RBM25: variants seen among roughly 807,000 people sequenced by gnomAD.
The protein encoded by RBM25 is RNA-binding protein 25.
In RBM25, 19 loss-of-function variants were observed where a neutral mutation model predicts 120.7. The observed-to-expected ratio is 0.16, with a 90% CI of 0.11 to 0.23. The LOEUF (loss-of-function observed/expected upper bound fraction) is 0.23. RBM25 is among the 10% of genes least tolerant of loss of function. The pLI is 1.00. For missense variants in RBM25, 605 were observed against 1,041.5 expected, an observed-to-expected ratio of 0.58 and a Z score of 5.77; for synonymous variants, 390 against 326.7, an observed-to-expected ratio of 1.19 and a Z score of -2.09.
At chr14:73,077,720 G>C (rs1186153014) in intron 4 of RBM25, among the ~76,000 whole-genome samples, 184 bp downstream of exon 4, 1 of 152,222 alleles carries the variant, frequency 6.6e-6, no homozygotes, top group African/African-American at 2.4e-5. Context: ...AACATGTTTA[G>C]ATATTTTATG....
intron 2 of RBM25, among the ~76,000 whole-genome samples, chr14:73,074,458 C>T (rs1336044471): frequency 6.6e-6 from 1 of 151,986 alleles, no homozygotes; most frequent in Non-Finnish European, 1.5e-5. Context: ...ATAGGCTGGG[C>T]ATGGTGGCTC....
intron 1 of RBM25, among the ~76,000 whole-genome samples, chr14:73,069,147 C>T (rs1336379374): frequency 6.6e-6 from 1 of 151,988 alleles, no homozygotes; most frequent in Non-Finnish European, 1.5e-5. Context: ...CACGTGAGCC[C>T]CCTGCTTTGG....
chr14:73,119,206 A>G (rs1415899275), intron 18 of RBM25, among the ~76,000 whole-genome samples: 2 of 152,246 alleles, frequency 1.3e-5, no homozygotes, highest in African/African-American at 2.4e-5. Context: ...AACTAAATAT[A>G]CAACTATGTA....
intron 10 of RBM25, among the ~76,000 whole-genome samples, chr14:73,105,484 T>G (rs1415678228): frequency 6.6e-6 from 1 of 152,218 alleles, no homozygotes; most frequent in Non-Finnish European, 1.5e-5. Flanking sequence ...TCATTAGTCC[T>G]TCATATTTCT....
intron 4 of RBM25, among the ~76,000 whole-genome samples, chr14:73,081,083 C>T (rs1018716563): frequency 1.3e-5 from 2 of 151,970 alleles, no homozygotes; most frequent in African/African-American, 2.4e-5. Flanking sequence ...CCTCAGCCTC[C>T]CAAAGTGCTG....
intron 18 of RBM25, 21 bp from the exon 19 acceptor site, chr14:73,119,692 G>T: frequency 6.2e-7 from 1 of 1,609,824 alleles, no homozygotes. Context: ...TACATGTGTT[G>T]CTGTTTTGTT....
At chr14:73,091,614 G>A (rs1301203223) in intron 6 of RBM25, among the ~76,000 whole-genome samples, 1 of 152,118 alleles carries the variant, frequency 6.6e-6, no homozygotes. Flanking sequence ...GCTCACACCT[G>A]TAATCCCAAC....
At chr14:73,112,852 G>T (rs1566601830) in intron 17 of RBM25, among the ~76,000 whole-genome samples, 1 of 152,010 alleles carries the variant, frequency 6.6e-6, no homozygotes, top group Non-Finnish European at 1.5e-5. Flanking sequence ...CCTACAGGCT[G>T]GAGTGCAGTG....
chr14:73,103,283 G>A lies in RBM25; in HGVS notation c.959G>A (p.Arg320Gln). The change falls in exon 10 of 19, where the codon CGA becomes CAA. Residue 320 changes from arginine (R) to glutamine (Q), a missense_variant. Coordinates refer to ENST00000261973, the MANE Select transcript of RBM25 (RefSeq NM_021239.3). The part of the protein sequence containing the change: ...RERERERERE[R>Q]ERRERERERE... Reference sequence around the variant, plus strand: ...AGAGAGAGGGAGCGTGAAAGGGAACGAGAAAGGCGAGAACGGGAACGAGAA... The same window carrying A: ...AGAGAGAGGGAGCGTGAAAGGGAACAAGAAAGGCGAGAACGGGAACGAGAA... 4 of 1,586,878 alleles carry A rather than the reference G, an allele frequency of 2.5e-6. No individual in the cohort carries two copies. The highest frequency in any genetic ancestry group is 1.1e-5 in the South Asian group (1 of 88,548).
chr14:73,098,887 G>A (rs902531585), intron 7 of RBM25, among the ~76,000 whole-genome samples: 2 of 152,102 alleles, frequency 1.3e-5, no homozygotes, highest in African/African-American at 4.8e-5. Flanking sequence ...CGTGATCCGC[G>A]TGAGCCACCG....
At chr14:73,117,572 G>C (rs115381112) in intron 18 of RBM25, among the ~76,000 whole-genome samples, 3,602 of 152,164 alleles carry the variant, frequency 0.024, 140 homozygotes, top group African/African-American at 0.077. Context: ...ATACCAGTCA[G>C]TTGTCAGAGC....
intron 5 of RBM25, among the ~76,000 whole-genome samples, chr14:73,086,435 TA>T (rs60061334): frequency 0.032 from 4,202 of 132,764 alleles, 175 homozygotes; most frequent in African/African-American, 0.097. Context: ...AGACTCCGTC[TA>T]AAAAAAAAAA....
At chr14:73,105,236 T>A (rs1189381639) in intron 10 of RBM25, among the ~76,000 whole-genome samples, 1 of 149,634 alleles carries the variant, frequency 6.7e-6, no homozygotes, top group African/African-American at 2.5e-5. Flanking sequence ...GCCTCTGGAG[T>A]AGGCAGGACT....
Position 73,083,403 on chromosome 14 carries a change from A to G in RBM25, c.325-91A>G, listed in dbSNP as rs1040836397. On this transcript the variant is annotated intron_variant, in intron 4 of 18. Transcript: ENST00000261973. Reference sequence around the variant, plus strand: ...GCTGGTTTTTTATTTTATGTTTTTTATCCCTAGTAGAAATATAATTTTGCT... The same window carrying G: ...GCTGGTTTTTTATTTTATGTTTTTTGTCCCTAGTAGAAATATAATTTTGCT... 1.9e-5 allele frequency: 19 copies of G among 1,004,676 alleles called. No individual in the cohort carries two copies. In the African/African-American group the frequency reaches 2.9e-4, roughly 16 times the overall value. The allele number at this position is 1,004,676 out of a possible 1,614,324, so 62.2% of individuals were successfully genotyped here.
intron 1 of RBM25, among the ~76,000 whole-genome samples, chr14:73,066,452 C>G (rs939718786): frequency 1.1e-4 from 17 of 152,098 alleles, no homozygotes; most frequent in Non-Finnish European, 1.8e-4. Flanking sequence ...CCTGGCCATA[C>G]ATGGTGAAAC....
intron 3 of RBM25, 43 bp downstream of exon 3, chr14:73,076,411 T>C: frequency 6.5e-7 from 1 of 1,530,042 alleles, no homozygotes. Flanking sequence ...ATGGTAGTGC[T>C]AGTGCTTTTA....
chr14:73,078,987 C>T (rs1342719043), intron 4 of RBM25, among the ~76,000 whole-genome samples: 2 of 152,090 alleles, frequency 1.3e-5, no homozygotes, highest in Admixed American at 6.5e-5. Flanking sequence ...TTGACTGATT[C>T]CTTTTAAAGT....
At chr14:73,098,496 G>A (rs1373294404) in intron 7 of RBM25, among the ~76,000 whole-genome samples, 1 of 152,130 alleles carries the variant, frequency 6.6e-6, no homozygotes, top group East Asian at 1.9e-4. Flanking sequence ...ATTATGATTA[G>A]TTATGAATGG....
chr14:73,075,123 A>G lies in RBM25; in HGVS notation c.107-1196A>G, dbSNP rs888986051. Reference sequence around the variant, plus strand: ...CTGGGCTCAGGGATCCTTGTGCCTCAGCTTCCAGAATAGCTGTAACTACAA... The same window carrying G: ...CTGGGCTCAGGGATCCTTGTGCCTCGGCTTCCAGAATAGCTGTAACTACAA... On this transcript the variant is annotated intron_variant, in intron 2 of 18. Transcript: ENST00000261973. Among the ~76,000 whole-genome samples the G allele has an allele frequency of 2.6e-4, 39 of 151,948 alleles. 1 individual carries two copies. The highest frequency in any genetic ancestry group is 9.2e-4 in the African/African-American group (38 of 41,434).
Sources: allele counts gnomAD v4.1 joint callset (sites outside exome capture counted in the v4.1 genomes callset), GRCh38; gene constraint gnomAD v4.1.1; transcripts MANE v1.5; gene names NCBI Gene and HGNC (gene_info 2026-07-23, HGNC 2026-07-21).